The following ST8SIA5 variants were observed in gnomAD, a reference collection of about 807,000 sequenced individuals.
ST8SIA5 encodes the protein ST8 alpha-N-acetyl-neuraminide alpha-2,8-sialyltransferase 5.
Under a neutral mutation model 40.2 loss-of-function variants are expected in ST8SIA5, and 24 were observed. That is an observed-to-expected ratio of 0.60 (90% CI 0.43 to 0.84). The LOEUF is 0.84. ST8SIA5 is among the 40% of genes least tolerant of loss of function. The probability of loss-of-function intolerance (pLI) is 0.00; values close to 1 mark genes in which losing one functional copy is unlikely to be tolerated. For missense variants in ST8SIA5, 465 were observed against 498.5 expected, an observed-to-expected ratio of 0.93 and a Z score of 0.64; for synonymous variants, 198 against 201.8, an observed-to-expected ratio of 0.98 and a Z score of 0.16.
chr18:46,717,922 G>A (rs2039809040), intron 1 of ST8SIA5, among the ~76,000 whole-genome samples: 1 of 152,058 alleles, frequency 6.6e-6, no homozygotes, highest in Non-Finnish European at 1.5e-5. Context: ...CAAAACGGAA[G>A]ATGCACAACA....
intron 1 of ST8SIA5, among the ~76,000 whole-genome samples, chr18:46,714,979 C>G (rs2039772442): frequency 6.6e-6 from 1 of 152,190 alleles, no homozygotes; most frequent in African/African-American, 2.4e-5. Context: ...GCCAACAACT[C>G]CACTTCCACC....
chr18:46,693,995 G>A (rs564695717), intron 2 of ST8SIA5, among the ~76,000 whole-genome samples: 9 of 152,240 alleles, frequency 5.9e-5, no homozygotes, highest in African/African-American at 1.9e-4. Context: ...TTGGTTTTGC[G>A]GGTGATTCTC....
intron 3 of ST8SIA5, among the ~76,000 whole-genome samples, chr18:46,689,826 C>T (rs966965895): frequency 1.3e-5 from 2 of 151,268 alleles, no homozygotes; most frequent in African/African-American, 2.4e-5. Flanking sequence ...GGTGATCCAC[C>T]TGCTTCAGCC....
intron 1 of ST8SIA5, among the ~76,000 whole-genome samples, chr18:46,729,816 T>A (rs1293030617): frequency 6.6e-6 from 1 of 151,824 alleles, no homozygotes; most frequent in African/African-American, 2.4e-5. Context: ...GAACTGACAG[T>A]CCGGTTTTAA....
At chr18:46,697,399 G>C (rs185631931) in intron 2 of ST8SIA5, among the ~76,000 whole-genome samples, 34 of 152,152 alleles carry the variant, frequency 2.2e-4, no homozygotes, top group Non-Finnish European at 4.6e-4. Context: ...GAACTCTTGT[G>C]GGGGAGGGGT....
chr18:46,725,972 A>AAAAAAAAAT (rs59660372), intron 1 of ST8SIA5, among the ~76,000 whole-genome samples: 4 of 29,088 alleles, frequency 1.4e-4, no homozygotes, highest in Non-Finnish European at 1.8e-4. Context: ...AAAAAAAAAA[A>AAAAAAAAAT]ATATATATAT....
At chr18:46,693,219 A>AC (rs2039525153) in intron 2 of ST8SIA5, among the ~76,000 whole-genome samples, 1 of 151,476 alleles carries the variant, frequency 6.6e-6, no homozygotes, top group Non-Finnish European at 1.5e-5. Flanking sequence ...TCACGTGCCC[A>AC]CCCCCCAGGG....
chr18:46,683,810 T>C (rs1160429649), intron 5 of ST8SIA5, among the ~76,000 whole-genome samples: 3 of 152,152 alleles, frequency 2.0e-5, no homozygotes, highest in Non-Finnish European at 4.4e-5. Flanking sequence ...CCAGGAACTT[T>C]CATAGGATTA....
chr18:46,733,569 C>T (rs9961836), intron 1 of ST8SIA5, among the ~76,000 whole-genome samples: 132,888 of 151,774 alleles, frequency 0.88, 58,336 homozygotes, highest in East Asian at 1. Context: ...ATGCGTCATA[C>T]GCTAAAGGGT....
At chr18:46,732,194 T>A (rs1171592337) in intron 1 of ST8SIA5, among the ~76,000 whole-genome samples, 2 of 152,128 alleles carry the variant, frequency 1.3e-5, no homozygotes, top group African/African-American at 4.8e-5. Context: ...AGCCCCTGAG[T>A]TGCAGCATCT....
At chr18:46,725,504 T>A (rs2039908208) in intron 1 of ST8SIA5, among the ~76,000 whole-genome samples, 1 of 151,670 alleles carries the variant, frequency 6.6e-6, no homozygotes, top group Non-Finnish European at 1.5e-5. Flanking sequence ...GAAAATATGA[T>A]GACTTAGCAA....
chr18:46,732,031 C>T (rs1356278231), intron 1 of ST8SIA5, among the ~76,000 whole-genome samples: 1 of 152,130 alleles, frequency 6.6e-6, no homozygotes, highest in South Asian at 2.1e-4. Flanking sequence ...AGACAGGCCT[C>T]GGGTTGCCAC....
rs540932823 is a variant in ST8SIA5, at chr18:46,715,288, G to A, written c.132-10624C>T. On this transcript the variant is annotated intron_variant, in intron 1 of 6. Coordinates refer to ENST00000315087, the MANE Select transcript of ST8SIA5 (RefSeq NM_013305.6). ...TCCTCCGCTGCTCTGCCTTCAGCCT[G>A]GACGATGGCATTCGGGACTGCAGGG... Among the ~76,000 whole-genome samples, 11 of 152,352 alleles carry A rather than the reference G, an allele frequency of 7.2e-5. No individual in the cohort carries two copies. The South Asian group carries it at 1.2e-3, about 17-fold the overall frequency.
At chr18:46,700,980 C>G (rs2039607824) in intron 2 of ST8SIA5, among the ~76,000 whole-genome samples, 2 of 151,994 alleles carry the variant, frequency 1.3e-5, no homozygotes, top group Admixed American at 1.3e-4. Flanking sequence ...GTTTTGAGCT[C>G]AAAACAATGG....
At chr18:46,753,386 C>T (rs1479020321) in intron 1 of ST8SIA5, among the ~76,000 whole-genome samples, 3 of 151,970 alleles carry the variant, frequency 2.0e-5, no homozygotes, top group African/African-American at 4.8e-5. Flanking sequence ...TCCTGGCTAA[C>T]AGGCTGAAAA....
At chr18:46,752,055 T>C (rs3893053) in intron 1 of ST8SIA5, among the ~76,000 whole-genome samples, 85,298 of 151,902 alleles carry the variant, frequency 0.56, 24,565 homozygotes, top group East Asian at 0.69. Flanking sequence ...CCTCACTCTG[T>C]CCCCAGCAAT....
At chr18:46,716,130 A>G (rs959714357) in intron 1 of ST8SIA5, among the ~76,000 whole-genome samples, 1 of 146,640 alleles carries the variant, frequency 6.8e-6, no homozygotes, top group African/African-American at 2.6e-5. Flanking sequence ...ATAGATAGAT[A>G]GATAGATATA....
intron 1 of ST8SIA5, chr18:46,730,141 A>C: frequency 1.0e-6 from 1 of 984,976 alleles, no homozygotes; most frequent in South Asian, 4.7e-5. Flanking sequence ...TAAAGGTGTT[A>C]ACACCAGCCC....
chr18:46,723,752 C>G lies in ST8SIA5; in HGVS notation c.132-19088G>C, dbSNP rs972870946. On this transcript the variant is annotated intron_variant, in intron 1 of 6. Transcript: ENST00000315087. The stretch of plus-strand genomic sequence containing the variant: ...ACCAGCCTGGCCAGCATGGTGAAAC[C>G]CTGTCTCTACTAAAAATACAAAAAT... 2.6e-5 allele frequency among the ~76,000 whole-genome samples: 4 copies of G among 151,978 alleles called. No individual in the cohort carries two copies. In the East Asian group the frequency reaches 5.8e-4, roughly 22 times the overall value.
Sources: allele counts gnomAD v4.1 joint callset (sites outside exome capture counted in the v4.1 genomes callset), GRCh38; gene constraint gnomAD v4.1.1; transcripts MANE v1.5; gene names NCBI Gene and HGNC (gene_info 2026-07-23, HGNC 2026-07-21).